Variants in ARID4B observed in about 807,000 individuals in gnomAD.
ARID4B encodes AT-rich interactive domain-containing protein 4B.
In ARID4B, 26 loss-of-function variants were observed where a neutral mutation model predicts 147.5. That is an observed-to-expected ratio of 0.18 (90% CI 0.13 to 0.24). The LOEUF is 0.24. Among genes scored for constraint, ARID4B ranks in the 10% least tolerant of loss-of-function variants. The probability of loss-of-function intolerance (pLI) is 1.00; values close to 1 mark genes in which losing one functional copy is unlikely to be tolerated. For missense variants in ARID4B, 1,179 were observed against 1,511.5 expected, an observed-to-expected ratio of 0.78 and a Z score of 3.65; for synonymous variants, 512 against 507.9, an observed-to-expected ratio of 1.01 and a Z score of -0.11.
At chr1:235,315,291 G>C (rs1349858691) in intron 2 of ARID4B, among the ~76,000 whole-genome samples, 2 of 152,166 alleles carry the variant, frequency 1.3e-5, no homozygotes, top group Admixed American at 6.5e-5. Flanking sequence ...GCGAGGCATG[G>C]TGGTGTGCAT....
At chr1:235,266,236 CAT>C (rs1475786416) in intron 2 of ARID4B, among the ~76,000 whole-genome samples, 1 of 152,030 alleles carries the variant, frequency 6.6e-6, no homozygotes, top group African/African-American at 2.4e-5. Context: ...AATTTAGAGA[CAT>C]AAAAAAGATT....
At chr1:235,279,734 CT>C (rs1671546791) in intron 2 of ARID4B, among the ~76,000 whole-genome samples, 1 of 152,108 alleles carries the variant, frequency 6.6e-6, no homozygotes, top group Non-Finnish European at 1.5e-5. Flanking sequence ...GTGGTTGTGT[CT>C]AAAACAATAT....
At chr1:235,288,126 A>G (rs773373385) in intron 2 of ARID4B, among the ~76,000 whole-genome samples, 4 of 152,252 alleles carry the variant, frequency 2.6e-5, no homozygotes, top group Non-Finnish European at 5.9e-5. Flanking sequence ...GCTGGCCAAC[A>G]TGGCGAAACC....
At chr1:235,193,940 G>T in intron 19 of ARID4B, 73 bp downstream of exon 19, 1 of 1,189,080 alleles carries the variant, frequency 8.4e-7, no homozygotes, top group Non-Finnish European at 1.2e-6. Context: ...TAATGTCACT[G>T]AATTACCTTT....
At chr1:235,305,555 C>A (rs1171236236) in intron 2 of ARID4B, among the ~76,000 whole-genome samples, 2 of 152,196 alleles carry the variant, frequency 1.3e-5, no homozygotes, top group Non-Finnish European at 2.9e-5. Context: ...ATGCCACTTA[C>A]TAGTGGCATG....
intron 6 of ARID4B, among the ~76,000 whole-genome samples, chr1:235,246,884 A>G (rs1669331787): frequency 6.6e-6 from 1 of 152,182 alleles, no homozygotes; most frequent in Admixed American, 6.5e-5. Context: ...CAGCTCCAAT[A>G]TTAATTTGTA....
In ARID4B at chr1:235,314,932, G is replaced by T. The variant is rs147966793; in HGVS notation, c.6+11982C>A. ...GCATTGTTAAAATATGATGTTCAAT[G>T]AAACTTACTAAAGTTATCAATGACT... On this transcript the variant is annotated intron_variant, in intron 2 of 23. Coordinates refer to ENST00000264183, the MANE Select transcript of ARID4B (RefSeq NM_016374.6). Among the ~76,000 whole-genome samples, 60 of 152,178 alleles carry T rather than the reference G, an allele frequency of 3.9e-4. 1 individual carries two copies. In the East Asian group the frequency reaches 0.01, roughly 26 times the overall value.
chr1:235,191,977 C>T (rs1471090867), intron 19 of ARID4B, among the ~76,000 whole-genome samples: 1 of 151,998 alleles, frequency 6.6e-6, no homozygotes, highest in Non-Finnish European at 1.5e-5. Flanking sequence ...ACTTAGGAGG[C>T]TGAGATGGAA....
rs1184791111 is a variant in ARID4B at position 235,195,687 on chromosome 1, TC to T, written c.1926+343del. 4.6e-5 allele frequency among the ~76,000 whole-genome samples: 7 copies of T among 152,318 alleles called. No homozygotes were observed. The East Asian group carries it at 1.3e-3, about 29-fold the overall frequency. The stretch of plus-strand genomic sequence containing the variant: ...AAGGAGTTGCCAGATAGCCTTTTCT[TC>T]CTTGGAATGGTTTACAGCTACAATA... On this transcript the variant is annotated intron_variant, in intron 18 of 23. Coordinates refer to ENST00000264183, the MANE Select transcript of ARID4B (RefSeq NM_016374.6).
chr1:235,209,649 T>C (rs1004554681), intron 17 of ARID4B, among the ~76,000 whole-genome samples: 3 of 150,954 alleles, frequency 2.0e-5, no homozygotes, highest in African/African-American at 4.9e-5. Flanking sequence ...CTGCAACCTC[T>C]GTGCCCCTGG....
intron 7 of ARID4B, among the ~76,000 whole-genome samples, chr1:235,241,774 C>A (rs1364478148): frequency 6.6e-6 from 1 of 151,900 alleles, no homozygotes; most frequent in Admixed American, 6.6e-5. Context: ...ACCTCGCCTC[C>A]CAAAGTGCTG....
At chr1:235,318,408 G>A (rs536670822) in intron 2 of ARID4B, among the ~76,000 whole-genome samples, 2 of 151,910 alleles carry the variant, frequency 1.3e-5, no homozygotes, top group African/African-American at 2.4e-5. Context: ...TCCTGACATC[G>A]TGATCCACCC....
At chr1:235,298,551 AATGT>A (rs1433455884) in intron 2 of ARID4B, among the ~76,000 whole-genome samples, 1 of 148,502 alleles carries the variant, frequency 6.7e-6, no homozygotes, top group Non-Finnish European at 1.5e-5. Flanking sequence ...ATATGAATAC[AATGT>A]ATATTTATAT....
At chr1:235,319,532 T>C (rs1046176101) in intron 2 of ARID4B, among the ~76,000 whole-genome samples, 5 of 151,766 alleles carry the variant, frequency 3.3e-5, no homozygotes, top group African/African-American at 9.7e-5. Flanking sequence ...AATAAAAGGG[T>C]GAATTTTATG....
intron 2 of ARID4B, among the ~76,000 whole-genome samples, chr1:235,272,756 A>G (rs16832524): frequency 0.13 from 19,932 of 151,818 alleles, 1,520 homozygotes; most frequent in African/African-American, 0.2. Context: ...TACAATACCA[A>G]TGTGGCCTAT....
chr1:235,173,760 AAAAAAAAAAAAATATATATAT>A (rs1228100515), intron 22 of ARID4B, among the ~76,000 whole-genome samples: 2 of 52,812 alleles, frequency 3.8e-5, no homozygotes, highest in Non-Finnish European at 6.4e-5. Flanking sequence ...AAAAAAAAAA[AAAAAAAAAAAAATATATATAT>A]ATATATATAT....
At position 235,322,098 on chromosome 1, in the gene ARID4B, G is replaced by A. The variant is rs550577868; in HGVS notation, c.6+4816C>T. Among the ~76,000 whole-genome samples the A allele has an allele frequency of 6.3e-4, 96 of 151,622 alleles. No homozygotes were observed. In the South Asian group the frequency reaches 0.011, roughly 17 times the overall value. On this transcript the variant is annotated intron_variant, in intron 2 of 23. Coordinates refer to ENST00000264183, the MANE Select transcript of ARID4B (RefSeq NM_016374.6). The stretch of plus-strand genomic sequence containing the variant: ...GGCTGGAGTGCAATGGCATGATCTC[G>A]GCTCACTGTAACCTCCACCTCCCGT...
intron 17 of ARID4B, among the ~76,000 whole-genome samples, chr1:235,206,309 AG>A (rs1243106887): frequency 1.3e-5 from 2 of 152,238 alleles, no homozygotes; most frequent in Admixed American, 1.3e-4. Context: ...GAAGAAAAAA[AG>A]AAAAGGAGGG....
chr1:235,217,285 A>G (rs560554622), intron 16 of ARID4B, among the ~76,000 whole-genome samples: 1 of 152,198 alleles, frequency 6.6e-6, no homozygotes, highest in Non-Finnish European at 1.5e-5. Context: ...TTCAGTGGCA[A>G]ATTCAAGACT....
Sources: allele counts gnomAD v4.1 joint callset (sites outside exome capture counted in the v4.1 genomes callset), GRCh38; gene constraint gnomAD v4.1.1; transcripts MANE v1.5; gene names NCBI Gene and HGNC (gene_info 2026-07-23, HGNC 2026-07-21).